The following HPSE2 variants were observed in gnomAD, a reference collection of about 807,000 sequenced individuals.
The protein encoded by HPSE2 is heparanase 2 (inactive).
In HPSE2, 38 loss-of-function variants were observed where a neutral mutation model predicts 60.5. The observed-to-expected ratio is 0.63, with a 90% CI of 0.48 to 0.82. The LOEUF (loss-of-function observed/expected upper bound fraction) is 0.82. Ranked by LOEUF, HPSE2 falls within the 40% of genes least tolerant of loss-of-function variation. The pLI, the probability that HPSE2 is intolerant of heterozygous loss-of-function variation, is 0.00. For synonymous variants in HPSE2, 295 were observed against 293.2 expected, an observed-to-expected ratio of 1.01 and a Z score of -0.06; for missense variants, 713 against 740.4, an observed-to-expected ratio of 0.96 and a Z score of 0.43.
chr10:98,691,953 T>A (rs1463499314), intron 6 of HPSE2, among the ~76,000 whole-genome samples: 1 of 152,210 alleles, frequency 6.6e-6, no homozygotes, highest in African/African-American at 2.4e-5. Context: ...AATAAACTAT[T>A]GTCTAAATAA....
chr10:99,088,565 T>C (rs34561139), intron 3 of HPSE2, among the ~76,000 whole-genome samples: 77,066 of 152,120 alleles, frequency 0.51, 21,280 homozygotes, highest in East Asian at 0.62. Flanking sequence ...TAGTATTCTA[T>C]GGTGTATATA....
rs185541912 is a variant in HPSE2, at chr10:99,204,495, A to T, written c.448+27853T>A. Among the ~76,000 whole-genome samples the T allele has an allele frequency of 5.7e-4, 87 of 152,352 alleles. 2 individuals carry two copies. ...AGACATCAATGTAAGGTAACAGGAA[A>T]CATGAAAAAAACCTAGGAAATATTA... On this transcript the variant is annotated intron_variant, in intron 2 of 11. Coordinates refer to ENST00000370552, the MANE Select transcript of HPSE2 (RefSeq NM_021828.5).
intron 3 of HPSE2, among the ~76,000 whole-genome samples, chr10:99,066,035 T>C (rs1395584218): frequency 2.7e-5 from 2 of 74,084 alleles, no homozygotes; most frequent in Non-Finnish European, 3.9e-5. Context: ...CTGGGAAAAT[T>C]GTTTTCTAAA....
the HPSE2 span, among the ~76,000 whole-genome samples, chr10:99,268,059 C>T: frequency 6.6e-6 from 1 of 152,090 alleles, no homozygotes; most frequent in Non-Finnish European, 1.5e-5. Flanking sequence ...GCAAGAGTAC[C>T]AGGTAACCTA....
At chr10:98,658,299 A>G (rs1947131163) in intron 6 of HPSE2, among the ~76,000 whole-genome samples, 1 of 152,260 alleles carries the variant, frequency 6.6e-6, no homozygotes, top group Non-Finnish European at 1.5e-5. Flanking sequence ...TAATTCATAA[A>G]TGAATGAGCA....
chr10:98,925,960 CCT>C (rs1209950498), intron 3 of HPSE2, among the ~76,000 whole-genome samples: 26 of 152,076 alleles, frequency 1.7e-4, no homozygotes, highest in Admixed American at 1.7e-3. Flanking sequence ...TTCTTTTCAA[CCT>C]CTGAGTCTTC....
chr10:98,998,977 T>C (rs948048823), intron 3 of HPSE2, among the ~76,000 whole-genome samples: 1 of 152,214 alleles, frequency 6.6e-6, no homozygotes, highest in Admixed American at 6.5e-5. Context: ...TGGAATTACA[T>C]TTATCTATTA....
At chr10:98,883,730 G>C (rs1412290778) in intron 3 of HPSE2, among the ~76,000 whole-genome samples, 2 of 152,058 alleles carry the variant, frequency 1.3e-5, no homozygotes, top group Non-Finnish European at 2.9e-5. Flanking sequence ...CTTGAGCCTA[G>C]GAGTTCAAGC....
chr10:99,184,805 TATATATATATATATAGAG>T (rs1461991846), intron 2 of HPSE2, among the ~76,000 whole-genome samples: 2 of 34,986 alleles, frequency 5.7e-5, no homozygotes, highest in African/African-American at 1.2e-4. Flanking sequence ...TATATATATA[TATATATATATATATAGAG>T]AGAGAGAGAG....
chr10:99,223,906 T>C (rs1849391110), intron 2 of HPSE2, among the ~76,000 whole-genome samples: 1 of 151,968 alleles, frequency 6.6e-6, no homozygotes, highest in Admixed American at 6.6e-5. Flanking sequence ...CAGGTAAAAT[T>C]TTCAATTTCA....
chr10:98,542,232 C>T (rs1270997264), intron 9 of HPSE2, among the ~76,000 whole-genome samples: 1 of 152,034 alleles, frequency 6.6e-6, no homozygotes, highest in East Asian at 1.9e-4. Flanking sequence ...TGGAGTGGAC[C>T]TCTAGCAAAC....
At chr10:99,132,237 G>GAAAGAAAGAAAGAA (rs1308434482) in intron 3 of HPSE2, among the ~76,000 whole-genome samples, 11 of 20,642 alleles carry the variant, frequency 5.3e-4, no homozygotes, top group Admixed American at 6.4e-4. Flanking sequence ...GAGAGAGAGA[G>GAAAGAAAGAAAGAA]AGAGAGAAAG....
chr10:99,253,647 A>C, the HPSE2 span, among the ~76,000 whole-genome samples: 2 of 152,220 alleles, frequency 1.3e-5, no homozygotes, highest in Non-Finnish European at 2.9e-5. Flanking sequence ...CAGCAAAAGA[A>C]ACTATCAACA....
intron 3 of HPSE2, among the ~76,000 whole-genome samples, chr10:98,825,793 G>T (rs1951532690): frequency 6.6e-6 from 1 of 152,182 alleles, no homozygotes; most frequent in Non-Finnish European, 1.5e-5. Context: ...AAAAGGAAAA[G>T]AGAAGACTTA....
At chr10:98,530,642 T>G (rs1434641449) in intron 9 of HPSE2, among the ~76,000 whole-genome samples, 1 of 152,136 alleles carries the variant, frequency 6.6e-6, no homozygotes, top group African/African-American at 2.4e-5. Context: ...ATTAGAGAGG[T>G]GGCAAGTAGC....
intron 3 of HPSE2, among the ~76,000 whole-genome samples, chr10:99,067,504 G>C (rs1482401862): frequency 2.6e-5 from 4 of 152,154 alleles, no homozygotes; most frequent in Admixed American, 2.0e-4. Context: ...CTCAATTCTT[G>C]ACTTCTCTGC....
chr10:98,698,465 A>G (rs1948297413), intron 5 of HPSE2, among the ~76,000 whole-genome samples: 1 of 152,128 alleles, frequency 6.6e-6, no homozygotes, highest in Non-Finnish European at 1.5e-5. Flanking sequence ...ACAACATACC[A>G]GAATCTCTGG....
chr10:98,476,067 C>T (rs959991862), intron 11 of HPSE2, among the ~76,000 whole-genome samples: 11 of 151,818 alleles, frequency 7.2e-5, no homozygotes, highest in Non-Finnish European at 1.6e-4. Context: ...AGACTTGGAA[C>T]CAACCCAAGT....
At chr10:99,125,142 T>TAC (rs768929458) in intron 3 of HPSE2, among the ~76,000 whole-genome samples, 90 of 152,252 alleles carry the variant, frequency 5.9e-4, no homozygotes, top group African/African-American at 1.3e-3. Context: ...ACCTCTTCAT[T>TAC]ACACACACAC....
Sources: gnomAD v4.1 joint callset for allele counts (sites outside exome capture counted in the v4.1 genomes callset) on GRCh38, gnomAD v4.1.1 for gene constraint, MANE v1.5 for transcripts, NCBI Gene and HGNC (gene_info 2026-07-23, HGNC 2026-07-21) for gene names.